Variants in CDH12 observed in about 807,000 individuals in gnomAD.
CDH12 encodes cadherin-12.
CDH12 carries 41 observed loss-of-function variants against 74.1 expected under a neutral mutation model. That is an observed-to-expected ratio of 0.55 (90% CI 0.43 to 0.72). The LOEUF (loss-of-function observed/expected upper bound fraction) is 0.72, where lower values mean the gene tolerates loss of function less well. Among genes scored for constraint, CDH12 ranks in the 30% least tolerant of loss-of-function variants. The probability of loss-of-function intolerance (pLI) is 0.00; values close to 1 mark genes in which losing one functional copy is unlikely to be tolerated. For missense variants in CDH12, 945 were observed against 977.2 expected, an observed-to-expected ratio of 0.97 and a Z score of 0.44; for synonymous variants, 399 against 355.0, an observed-to-expected ratio of 1.12 and a Z score of -1.39.
intron 3 of CDH12, among the ~76,000 whole-genome samples, chr5:22,301,640 T>A (rs565853786): frequency 6.6e-6 from 1 of 151,314 alleles, no homozygotes; most frequent in Non-Finnish European, 1.5e-5. Flanking sequence ...TATTTTTTAA[T>A]TTTTTTTTCA....
At chr5:21,805,835 G>A (rs1311176260) in intron 9 of CDH12, among the ~76,000 whole-genome samples, 1 of 152,122 alleles carries the variant, frequency 6.6e-6, no homozygotes, top group East Asian at 1.9e-4. Context: ...ATACATTATT[G>A]TGAGGTTGAA....
chr5:22,651,262 T>G (rs1183425532), intron 1 of CDH12, among the ~76,000 whole-genome samples: 1 of 152,082 alleles, frequency 6.6e-6, no homozygotes, highest in Non-Finnish European at 1.5e-5. Flanking sequence ...CTGCTCTATT[T>G]TTCTTCTATT....
In CDH12 at chr5:22,583,545, G is replaced by A. The variant is rs139332139; in HGVS notation, c.-522-78181C>T. ...CATAATCCTTTAATGGAAGGAAACC[G>A]TCTTAATCAATTTAGATATGTTCTG... On this transcript the variant is annotated intron_variant, in intron 1 of 14. Coordinates refer to ENST00000382254, the MANE Select transcript of CDH12 (RefSeq NM_004061.5). Among the ~76,000 whole-genome samples, 706 of 152,260 alleles carry A rather than the reference G, an allele frequency of 4.6e-3. 4 individuals are homozygous for A. The highest frequency in any genetic ancestry group is 0.016 in the African/African-American group (664 of 41,570).
chr5:22,369,904 C>A (rs1242607081), intron 3 of CDH12, among the ~76,000 whole-genome samples: 1 of 152,156 alleles, frequency 6.6e-6, no homozygotes, highest in East Asian at 1.9e-4. Flanking sequence ...TGATCAATCA[C>A]ATTTTTCCTT....
intron 10 of CDH12, among the ~76,000 whole-genome samples, chr5:21,785,760 A>G (rs1192408592): frequency 6.6e-6 from 1 of 152,224 alleles, no homozygotes; most frequent in African/African-American, 2.4e-5. Context: ...GAAAGAAGTC[A>G]TCTCCATAAC....
At chr5:21,771,205 T>G (rs893124647) in intron 11 of CDH12, among the ~76,000 whole-genome samples, 2 of 152,050 alleles carry the variant, frequency 1.3e-5, no homozygotes, top group African/African-American at 4.8e-5. Flanking sequence ...AGTTTTTTTT[T>G]TTTAAAGTTA....
intron 1 of CDH12, among the ~76,000 whole-genome samples, chr5:22,688,706 A>G (rs1428745129): frequency 1.3e-5 from 2 of 152,196 alleles, no homozygotes; most frequent in Non-Finnish European, 2.9e-5. Context: ...AAAATGTGCC[A>G]AAAATAATAG....
rs1744035500 is a variant in CDH12 at position 21,751,325 on chromosome 5, T to G, written c.*412A>C. On this transcript the variant is annotated 3_prime_UTR_variant, in exon 15 of 15. Coordinates refer to ENST00000382254, the MANE Select transcript of CDH12 (RefSeq NM_004061.5). The stretch of plus-strand genomic sequence containing the variant: ...CAGCAGAGTGTACTGTACACCACTT[T>G]AAATGATAAGAGTTTCAATAGGCAC... 3 of 195,720 alleles carry G rather than the reference T, an allele frequency of 1.5e-5. No individual in the cohort carries two copies. Among genetic ancestry groups the G allele is most frequent in the African/African-American group, 7.1e-5 (3 of 42,514 alleles). The allele number at this position is 195,720 out of a possible 1,614,324, so 12.1% of individuals were successfully genotyped here. A position where few individuals can be genotyped will look rare whatever the true frequency, so the allele number is the denominator to read the frequency against.
In CDH12 at chr5:22,284,268, A is replaced by G. The variant is rs143705269; in HGVS notation, c.-332-71625T>C. On this transcript the variant is annotated intron_variant, in intron 3 of 14. Coordinates refer to ENST00000382254, the MANE Select transcript of CDH12 (RefSeq NM_004061.5). ...GTATTTATTAACTGCTGTATAAAAT[A>G]CTACCACAAAACTTAGGCTATCACA... 3.3e-3 allele frequency among the ~76,000 whole-genome samples: 508 copies of G among 152,272 alleles called. 1 individual carries two copies. Among genetic ancestry groups the G allele is most frequent in the African/African-American group, 0.012 (481 of 41,558 alleles).
At chr5:22,146,684 T>G (rs1392314074) in intron 4 of CDH12, among the ~76,000 whole-genome samples, 3 of 152,160 alleles carry the variant, frequency 2.0e-5, no homozygotes, top group Non-Finnish European at 4.4e-5. Context: ...TCAACTAAAA[T>G]GTAAAAGATT....
intron 1 of CDH12, among the ~76,000 whole-genome samples, chr5:22,846,498 G>A (rs1293716589): frequency 6.6e-6 from 1 of 152,084 alleles, no homozygotes. Context: ...CTCAGAAAAA[G>A]AGAATAAGAA....
chr5:22,713,847 A>G (rs566565732), intron 1 of CDH12, among the ~76,000 whole-genome samples: 3 of 152,268 alleles, frequency 2.0e-5, no homozygotes, highest in Non-Finnish European at 2.9e-5. Flanking sequence ...CAAAACTCAC[A>G]TATTCCATGT....
intron 1 of CDH12, among the ~76,000 whole-genome samples, chr5:22,590,068 A>G (rs1580795560): frequency 6.6e-6 from 1 of 152,078 alleles, no homozygotes; most frequent in Admixed American, 6.6e-5. Flanking sequence ...TATCTCGACA[A>G]TTTTCTGTAA....
intron 2 of CDH12, among the ~76,000 whole-genome samples, chr5:22,455,075 A>G (rs542745356): frequency 3.3e-5 from 5 of 152,222 alleles, no homozygotes; most frequent in Admixed American, 6.5e-5. Flanking sequence ...TGTTTACAAT[A>G]TAATGAGAAG....
At chr5:22,162,178 G>C (rs988533818) in intron 4 of CDH12, among the ~76,000 whole-genome samples, 1 of 151,856 alleles carries the variant, frequency 6.6e-6, no homozygotes, top group African/African-American at 2.4e-5. Flanking sequence ...CAGACTGAAC[G>C]CTGCTTTCTT....
rs1249520757 is a variant in CDH12 at position 21,765,094 on chromosome 5, G to C, written c.1399C>G (p.Pro467Ala). The C allele has an allele frequency of 5.7e-6, 9 of 1,569,144 alleles. No homozygotes were observed. The highest frequency in any genetic ancestry group is 7.8e-6 in the Non-Finnish European group (9 of 1,160,720). Reference protein sequence around the residue: ...FSIIASKVSNPLLTSKVNILI... With the variant: ...FSIIASKVSNALLTSKVNILI... ...ATATTGACTTTGCTGGTCAATAAAG[G>C]GTTACCTGTTAAAAACATATAAAGA... is the stretch of plus-strand genomic sequence containing the variant. The change falls in exon 12 of 15, where the codon CCT becomes GCT. Residue 467 changes from proline to alanine, a missense_variant. This residue lies in a region of CDH12 where 791 missense variants were observed against 792.8 expected (regional missense o/e 1.00). Coordinates refer to ENST00000382254, the MANE Select transcript of CDH12 (RefSeq NM_004061.5).
At chr5:22,700,588 G>C (rs2126958945) in intron 1 of CDH12, among the ~76,000 whole-genome samples, 1 of 152,304 alleles carries the variant, frequency 6.6e-6, no homozygotes, top group South Asian at 2.1e-4. Context: ...ACCGTGATAA[G>C]AAAATGTTTT....
chr5:22,772,595 CACGTTTTTTTTAAATAA>C (rs1746863872), intron 1 of CDH12, among the ~76,000 whole-genome samples: 1 of 152,032 alleles, frequency 6.6e-6, no homozygotes, highest in South Asian at 2.1e-4. Context: ...TTGTATCTCA[CACGTTTTTTTTAAATAA>C]ACAAGTTGCA....
At chr5:22,509,069 T>G (rs1457653779) in intron 1 of CDH12, among the ~76,000 whole-genome samples, 2 of 152,160 alleles carry the variant, frequency 1.3e-5, no homozygotes, top group African/African-American at 4.8e-5. Context: ...TGACTCTATC[T>G]CACTACAAGA....
Sources: gnomAD v4.1 joint callset for allele counts (sites outside exome capture counted in the v4.1 genomes callset) on GRCh38, gnomAD v4.1.1 for gene constraint, gnomAD v4.1.1 regional missense constraint, MANE v1.5 for transcripts, NCBI Gene and HGNC (gene_info 2026-07-23, HGNC 2026-07-21) for gene names.